PRAM1: variants seen among roughly 807,000 people sequenced by gnomAD.
The protein encoded by PRAM1 is PML-RARA regulated adaptor molecule 1, also known as PML-RARA-regulated adapter molecule 1.
A neutral mutation model predicts 55.3 loss-of-function variants in PRAM1; 41 were observed. The observed-to-expected ratio is 0.74, with a 90% CI of 0.58 to 0.96. The LOEUF (loss-of-function observed/expected upper bound fraction) is 0.96. PRAM1 is among the 40% of genes least tolerant of loss of function. The pLI is 0.00. For synonymous variants in PRAM1, 401 were observed against 387.1 expected (o/e 1.04, Z -0.42); for missense variants, 898 against 892.7 (o/e 1.01, Z -0.08).
chr19:8,492,357 AGCGAT>A (rs1238023962), intron 4 of PRAM1, among the ~76,000 whole-genome samples: 2 of 152,114 alleles, frequency 1.3e-5, no homozygotes, highest in Admixed American at 1.3e-4. Context: ...CCTGGGTTCA[AGCGAT>A]TCTCCTGCCT....
Position 8,498,364 on chromosome 19 carries a change from GCCCTCACCCA to G in PRAM1, c.1432+2_1432+11del. On this transcript the variant is annotated splice_donor_variant and splice_donor_5th_base_variant and intron_variant, in intron 2 of 9. Coordinates refer to ENST00000423345, the MANE Select transcript of PRAM1 (RefSeq NM_032152.5). LOFTEE classifies it high-confidence loss of function. The stretch of plus-strand genomic sequence containing the variant: ...GCCCCCGCTCCTGCCGGTGCCGCCC[GCCCTCACCCA>G]CCTATGGATGCTGCAGAGGGTCTCC... The G allele has an allele frequency of 6.3e-7, 1 of 1,583,058 alleles. No homozygotes were observed. Among genetic ancestry groups the G allele is most frequent in the South Asian group, 1.1e-5 (1 of 87,528 alleles).
chr19:8,491,167 G>T lies in PRAM1; in HGVS notation c.1577-10C>A. The T allele has an allele frequency of 6.2e-7, 1 of 1,608,866 alleles. No homozygotes were observed. On this transcript the variant is annotated splice_polypyrimidine_tract_variant and intron_variant, in intron 4 of 9. Transcript: ENST00000423345. ...ACTGAGGGCGCTTCATCTGGGGACA[G>T]TCAGGACTCCGAGTCAAGGCAGGGC...
chr19:8,490,873 C>G lies in PRAM1; in HGVS notation c.1743+14G>C. 1 of 1,612,284 alleles carries G rather than the reference C, an allele frequency of 6.2e-7. No individual in the cohort carries two copies. The highest frequency in any genetic ancestry group is 2.2e-5 in the East Asian group (1 of 44,872). On this transcript the variant is annotated intron_variant, in intron 6 of 9. Transcript: ENST00000423345. This position sits in a 1 kb window ranked among gnomAD's most constrained non-coding sequence, Gnocchi z 7.3. ...CCGCCCTGCCAGGACTCCTGCTTAG[C>G]TCAGAGGCCTCACCTTGAACTTCTT... is the stretch of plus-strand genomic sequence containing the variant.
intron 1 of PRAM1, 102 bp downstream of exon 1, chr19:8,502,463 C>CT (rs370053953): frequency 3.9e-6 from 2 of 518,046 alleles, no homozygotes; most frequent in African/African-American, 2.1e-5. Context: ...AGCCACCCCC[C>CT]GCCCCCCCGC....
At position 8,490,361 on chromosome 19, in the gene PRAM1, ACCT is replaced by A. The variant is rs772712114; in HGVS notation, c.1949_1951del (p.Glu650del). On this transcript the variant is annotated inframe_deletion, in exon 9 of 10. Transcript: ENST00000423345. This position sits in a 1 kb window ranked among gnomAD's most constrained non-coding sequence, Gnocchi z 7.3. ...ACCGCAGAAGTCGACATCATCGTAC[ACCT>A]CCGTCTCCCTGGCAGAGCACAGTTG... The A allele has an allele frequency of 4.3e-5, 69 of 1,613,474 alleles. 2 individuals carry two copies. In the South Asian group the frequency reaches 7.6e-4, roughly 18 times the overall value.
At chr19:8,494,946 TC>T (rs1189152227) in intron 4 of PRAM1, among the ~76,000 whole-genome samples, 201 of 148,616 alleles carry the variant, frequency 1.4e-3, no homozygotes, top group African/African-American at 4.8e-3. Context: ...TTTTTTTTTT[TC>T]AACTGAGACA....
chr19:8,494,102 T>G (rs1375728164), intron 4 of PRAM1, among the ~76,000 whole-genome samples: 1 of 152,112 alleles, frequency 6.6e-6, no homozygotes, highest in African/African-American at 2.4e-5. Context: ...CCGGCCCCTT[T>G]TTTCTTTTTT....
At position 8,493,789 on chromosome 19, in the gene PRAM1, G is replaced by A. The variant is rs1971661086; in HGVS notation, c.1577-2632C>T. 6.6e-6 allele frequency among the ~76,000 whole-genome samples: 1 copy of A among 152,070 alleles called. No individual in the cohort carries two copies. The highest frequency in any genetic ancestry group is 2.4e-5 in the African/African-American group (1 of 41,408). On this transcript the variant is annotated intron_variant, in intron 4 of 9. Coordinates refer to ENST00000423345, the MANE Select transcript of PRAM1 (RefSeq NM_032152.5). The surrounding 1 kb of genome is among the most constrained non-coding windows in gnomAD (Gnocchi z 4.1). Reference sequence around the variant, plus strand: ...GAGAAGCGGGAGATCCAGGGAAGTGGGACCTTTTTTTTTTTCTTTTTTTCT... The same window carrying A: ...GAGAAGCGGGAGATCCAGGGAAGTGAGACCTTTTTTTTTTTCTTTTTTTCT...
chr19:8,497,689 C>T (rs1971717415), intron 4 of PRAM1, 75 bp downstream of exon 4: 1 of 1,296,780 alleles, frequency 7.7e-7, no homozygotes, highest in African/African-American at 1.5e-5. Flanking sequence ...GTTACTTGCT[C>T]TTACACCAGG....
Position 8,498,769 on chromosome 19 carries a change from G to A in PRAM1, c.1039C>T (p.Gln347Ter). ...CGGGGTGGCCCCCGGCGCTCCGGCT[G>A]CAGCAGCTTCCTGGGGAGTGAGTTG... ...EFNSLPRKLL[Q>*]PERRGPPRKF... Residue 347 changes from glutamine to a stop codon, truncating the protein, a stop_gained, in exon 2 of 10, where the codon CAG (glutamine) becomes TAG (stop). Transcript: ENST00000423345. LOFTEE classifies it high-confidence loss of function. The A allele has an allele frequency of 6.4e-7, 1 of 1,574,014 alleles. No individual in the cohort carries two copies. Among genetic ancestry groups the A allele is most frequent in the Non-Finnish European group, 8.6e-7 (1 of 1,160,434 alleles).
chr19:8,502,479 C>CCCCCCCCCCAGG, intron 1 of PRAM1, 86 bp downstream of exon 1: 1 of 721,394 alleles, frequency 1.4e-6, no homozygotes, highest in Non-Finnish European at 2.3e-6. Context: ...CCCGCCCGCC[C>CCCCCCCCCCAGG]CTCCACAGGT....
At chr19:8,496,807 G>T (rs1971705263) in intron 4 of PRAM1, among the ~76,000 whole-genome samples, 1 of 152,088 alleles carries the variant, frequency 6.6e-6, no homozygotes, top group Non-Finnish European at 1.5e-5. Context: ...GGAGGCCAAG[G>T]CAGGTGGATC....
intron 1 of PRAM1, among the ~76,000 whole-genome samples, chr19:8,502,150 A>G (rs1971814668): frequency 6.6e-6 from 1 of 152,198 alleles, no homozygotes; most frequent in African/African-American, 2.4e-5. Flanking sequence ...CCGGGCGACC[A>G]CAGGGCTAGA....
Position 8,491,153 on chromosome 19 carries a change from T to C in PRAM1, c.1581A>G (p.Glu527=). The C allele has an allele frequency of 6.2e-7, 1 of 1,610,624 alleles. No homozygotes were observed. Among genetic ancestry groups the C allele is most frequent in the Non-Finnish European group, 8.5e-7 (1 of 1,179,600 alleles). ...DSSPSPKGRD[E]APSVQQAARR... ...TGGCGGCTTGCTGAACTGAGGGCGCTTCATCTGGGGACAGTCAGGACTCCG... is the reference window on the plus strand; with the variant it reads ...TGGCGGCTTGCTGAACTGAGGGCGCCTCATCTGGGGACAGTCAGGACTCCG... The change falls in exon 5 of 10, where the codon GAA becomes GAG. Residue 527 remains glutamate, a synonymous_variant. Coordinates refer to ENST00000423345, the MANE Select transcript of PRAM1 (RefSeq NM_032152.5).
Position 8,490,307 on chromosome 19 carries a change from T to C in PRAM1, c.1975+31A>G. ...CAGCGCCCCCGGGGAATCGCCAGGG[T>C]CCCTCCAGCCCTCCCAGAGTGTCCA... is the stretch of plus-strand genomic sequence containing the variant. On this transcript the variant is annotated intron_variant, in intron 9 of 9. Transcript: ENST00000423345. The surrounding 1 kb of genome is among the most constrained non-coding windows in gnomAD (Gnocchi z 7.3). 6.2e-7 allele frequency: 1 copy of C among 1,613,786 alleles called. No homozygotes were observed. The highest frequency in any genetic ancestry group is 8.5e-7 in the Non-Finnish European group (1 of 1,179,834).
In PRAM1 at chr19:8,499,401, G is replaced by C. The variant is rs1234194351; in HGVS notation, c.407C>G (p.Ala136Gly). The C allele has an allele frequency of 6.2e-7, 1 of 1,612,654 alleles. No individual in the cohort carries two copies. Among genetic ancestry groups the C allele is most frequent in the African/African-American group, 1.3e-5 (1 of 74,928 alleles). The change falls in exon 2 of 10, where the codon GCC (alanine) becomes GGC (glycine). Residue 136 changes from alanine (A) to glycine (G), a missense_variant. By Grantham distance (60) the Ala-to-Gly change is moderately conservative (BLOSUM62 0). Transcript: ENST00000423345. ...CAGGGGCTTCCTTGGAAACGGAGTGGCCCCCAGCTGTGGGAACTTCTTGGA... is the reference window on the plus strand; with the variant it reads ...CAGGGGCTTCCTTGGAAACGGAGTGCCCCCCAGCTGTGGGAACTTCTTGGA... ...DLSKKFPQLG[A>G]TPFPRKPLQP...
Position 8,499,333 on chromosome 19 carries a change from C to CCGGCAG in PRAM1, c.469_474dup (p.Leu157_Pro158dup). On this transcript the variant is annotated inframe_insertion, in exon 2 of 10. Transcript: ENST00000423345. ...GGTTTCCGGGCCGGCGCACCAGGCT[C>CCGGCAG]CGGCAGCGAGGCCTTCAAAGGGGCC... 1 of 1,611,228 alleles carries CCGGCAG rather than the reference C, an allele frequency of 6.2e-7. No homozygotes were observed.
chr19:8,501,008 C>T (rs1368495749), intron 1 of PRAM1, among the ~76,000 whole-genome samples: 1 of 151,856 alleles, frequency 6.6e-6, no homozygotes, highest in Non-Finnish European at 1.5e-5. Context: ...TCAGGTGATC[C>T]ACCCTCCACC....
rs904356245 is a variant in PRAM1 at position 8,490,622 on chromosome 19, C to A, written c.1878G>T (p.Glu626Asp). The A allele has an allele frequency of 1.3e-6, 2 of 1,584,764 alleles. No homozygotes were observed. The highest frequency in any genetic ancestry group is 1.7e-6 in the Non-Finnish European group (2 of 1,165,358). ...LEVIEFTSNE[E>D]MLCRDPKGKY... is the part of the protein sequence containing the mutation. ...TGCCTTTGGGGTCCCGGCACAGCATCTCCTCATTGCTGGTGAACTCGATCA... is the reference window on the plus strand; with the variant it reads ...TGCCTTTGGGGTCCCGGCACAGCATATCCTCATTGCTGGTGAACTCGATCA... Residue 626 changes from glutamate to aspartate, a missense_variant, in exon 7 of 10, where the codon GAG becomes GAT. Physicochemically the swap from Glu to Asp is conservative, Grantham distance 45. This residue lies in a region of PRAM1 where 787 missense variants were observed against 735.4 expected (regional missense o/e 1.07). Transcript: ENST00000423345. The surrounding 1 kb of genome is among the most constrained non-coding windows in gnomAD (Gnocchi z 7.3).
Sources: gnomAD v4.1 joint callset for allele counts (sites outside exome capture counted in the v4.1 genomes callset) on GRCh38, gnomAD v4.1.1 for gene constraint, gnomAD v4.1.1 regional missense constraint, Gnocchi (gnomAD v3.1) non-coding constraint, MANE v1.5 for transcripts, NCBI Gene and HGNC (gene_info 2026-07-23, HGNC 2026-07-21) for gene names.